Variants in STK3 observed in about 807,000 individuals in gnomAD.
STK3 encodes serine/threonine-protein kinase 3.
Under a neutral mutation model 58.0 loss-of-function variants are expected in STK3, and 41 were observed. The observed-to-expected ratio is 0.71, with a 90% confidence interval of 0.55 to 0.92. STK3 has a LOEUF of 0.92. Among genes scored for constraint, STK3 ranks in the 40% least tolerant of loss-of-function variants. STK3 has a pLI of 0.00. For missense variants in STK3, 479 were observed against 602.7 expected (o/e 0.79, Z 2.15); for synonymous variants, 170 against 191.0 (o/e 0.89, Z 0.91).
chr8:98,394,663 A>T (rs1483008606), intron 3 of STK3, among the ~76,000 whole-genome samples: 5 of 152,226 alleles, frequency 3.3e-5, no homozygotes, highest in Non-Finnish European at 7.3e-5. Flanking sequence ...TTCTTTGGGG[A>T]TAAGAAGAAT....
intron 2 of STK3, among the ~76,000 whole-genome samples, chr8:98,374,117 T>C (rs752456092): frequency 2.6e-5 from 4 of 152,192 alleles, no homozygotes; most frequent in East Asian, 1.9e-4. Flanking sequence ...CAAACGTTTG[T>C]ATTATATTTC....
chr8:98,776,657 C>T (rs1157548766), intron 1 of STK3, among the ~76,000 whole-genome samples: 45 of 151,984 alleles, frequency 3.0e-4, no homozygotes, highest in Non-Finnish European at 2.9e-5. Flanking sequence ...TCTAAAGACA[C>T]AGTTGTGCAT....
rs1416564061 is a variant in STK3 at position 98,529,631 on chromosome 8, A to G, written c.1142-2714T>C. ...AAGAGATAACTGTAACCCCATGTCT[A>G]TTGCAGCATTATTCATAACAGCTAA... On this transcript the variant is annotated intron_variant, in intron 9 of 10. Coordinates refer to ENST00000419617, the MANE Select transcript of STK3 (RefSeq NM_006281.4). Among the ~76,000 whole-genome samples the G allele has an allele frequency of 3.3e-5, 5 of 152,212 alleles. No homozygotes were observed. In the East Asian group the frequency reaches 5.8e-4, roughly 18 times the overall value.
intron 1 of STK3, among the ~76,000 whole-genome samples, chr8:98,784,851 T>C (rs1832359914): frequency 6.6e-6 from 1 of 152,046 alleles, no homozygotes; most frequent in Non-Finnish European, 1.5e-5. Context: ...CTCTGCTCCA[T>C]GCCCAGGCAA....
intron 6 of STK3, among the ~76,000 whole-genome samples, chr8:98,603,862 T>A (rs1434013781): frequency 6.6e-6 from 1 of 152,142 alleles, no homozygotes. Flanking sequence ...CCCCGCAAGA[T>A]GTCTACGTTC....
At chr8:98,396,222 C>A (rs762702941) in intron 3 of STK3, among the ~76,000 whole-genome samples, 1 of 152,210 alleles carries the variant, frequency 6.6e-6, no homozygotes, top group Non-Finnish European at 1.5e-5. Context: ...CAAAAACATC[C>A]GCTGTTAAGT....
At chr8:98,434,456 T>C (rs1182500660) in intron 2 of STK3, 5 of 152,234 alleles carry the variant, frequency 3.3e-5, no homozygotes, top group Non-Finnish European at 7.3e-5. Context: ...CTCCTCCTAC[T>C]TTTAGGAGAA....
At chr8:98,547,355 GCATTCCTATTGT>G (rs1586831128) in intron 9 of STK3, among the ~76,000 whole-genome samples, 1 of 152,194 alleles carries the variant, frequency 6.6e-6, no homozygotes, top group Admixed American at 6.5e-5. Flanking sequence ...GTCTGTGAAA[GCATTCCTATTGT>G]CATCACTTTG....
intron 6 of STK3, among the ~76,000 whole-genome samples, chr8:98,644,833 T>C (rs1333244013): frequency 2.6e-5 from 4 of 152,156 alleles, no homozygotes; most frequent in East Asian, 1.9e-4. Flanking sequence ...AGTAAACCCA[T>C]ACAAACAGCA....
In STK3 at chr8:98,455,775, A is replaced by C; in HGVS notation, c.*67T>G. On this transcript the variant is annotated 3_prime_UTR_variant, in exon 11 of 11. Transcript: ENST00000419617. ...AAAATCTTAGGATTAAAAATATCCA[A>C]ATATTCCTTCAATTCCTAGTGGTTT... 1.3e-6 allele frequency: 2 copies of C among 1,572,204 alleles called. No homozygotes were observed. The highest frequency in any genetic ancestry group is 1.2e-5 in the South Asian group (1 of 85,988).
intron 1 of STK3, among the ~76,000 whole-genome samples, chr8:98,385,233 G>C (rs1271961826): frequency 6.6e-6 from 1 of 152,020 alleles, no homozygotes; most frequent in Non-Finnish European, 1.5e-5. Flanking sequence ...TTGGAGGGTG[G>C]GTGGCAGAGG....
At chr8:98,927,359 C>T (rs1839838293) in intron 1 of STK3, among the ~76,000 whole-genome samples, 1 of 152,166 alleles carries the variant, frequency 6.6e-6, no homozygotes, top group Admixed American at 6.5e-5. Flanking sequence ...CCTCCCAGTG[C>T]AAAAGGGTGG....
At chr8:98,644,297 G>A (rs916280747) in intron 6 of STK3, among the ~76,000 whole-genome samples, 4 of 152,038 alleles carry the variant, frequency 2.6e-5, no homozygotes, top group African/African-American at 9.7e-5. Flanking sequence ...GAATGAAACC[G>A]AACTTGTATA....
intron 10 of STK3, among the ~76,000 whole-genome samples, chr8:98,503,248 T>C (rs928876388): frequency 6.6e-6 from 1 of 152,196 alleles, no homozygotes; most frequent in African/African-American, 2.4e-5. Flanking sequence ...GGATCGGTGG[T>C]GATATCTCCT....
chr8:98,863,129 A>G (rs1187709231), intron 3 of STK3, among the ~76,000 whole-genome samples: 2 of 152,176 alleles, frequency 1.3e-5, no homozygotes, highest in Non-Finnish European at 2.9e-5. Flanking sequence ...TTATGGTGTG[A>G]GCAGGAGGTC....
chr8:98,521,313 A>AT (rs959924825), intron 10 of STK3, among the ~76,000 whole-genome samples: 28 of 150,966 alleles, frequency 1.9e-4, no homozygotes, highest in African/African-American at 2.4e-4. Flanking sequence ...TTCCTTTATT[A>AT]TTTTTTTTTG....
chr8:98,358,970 T>C, the STK3 span, among the ~76,000 whole-genome samples: 1 of 152,038 alleles, frequency 6.6e-6, no homozygotes, highest in Non-Finnish European at 1.5e-5. Flanking sequence ...CCAAGCCCTG[T>C]CCAGAGACAA....
chr8:98,648,704 C>G (rs926817236), intron 6 of STK3, among the ~76,000 whole-genome samples: 2 of 151,998 alleles, frequency 1.3e-5, no homozygotes, highest in Non-Finnish European at 2.9e-5. Flanking sequence ...CCAGTCTGGC[C>G]AATATGGTGA....
At chr8:98,840,652 A>G (rs1413309425) in intron 3 of STK3, among the ~76,000 whole-genome samples, 2 of 145,938 alleles carry the variant, frequency 1.4e-5, no homozygotes, top group African/African-American at 5.0e-5. Context: ...TTTTATATAT[A>G]TTTATATACA....
Sources: gnomAD v4.1 joint callset for allele counts (sites outside exome capture counted in the v4.1 genomes callset) on GRCh38, gnomAD v4.1.1 for gene constraint, MANE v1.5 for transcripts, NCBI Gene and HGNC (gene_info 2026-07-23, HGNC 2026-07-21) for gene names.